Variants in CREBBP observed in about 807,000 individuals in gnomAD.
CREBBP encodes CREB binding lysine acetyltransferase, also known as CREB-binding protein.
CREBBP carries 19 observed loss-of-function variants against 265.0 expected under a neutral mutation model. The ratio of observed to expected loss-of-function variants is 0.07; its 90% CI spans 0.05 to 0.11. CREBBP has a LOEUF of 0.11. CREBBP is among the 10% of genes least tolerant of loss of function. CREBBP has a pLI of 1.00. For missense variants in CREBBP, 2,525 were observed against 3,219.0 expected (o/e 0.78, Z 5.22); for synonymous variants, 1,457 against 1,223.7 (o/e 1.19, Z -3.98).
At chr16:3,864,839 G>T (rs1327076640) in intron 1 of CREBBP, among the ~76,000 whole-genome samples, 1 of 152,200 alleles carries the variant, frequency 6.6e-6, no homozygotes, top group African/African-American at 2.4e-5. Flanking sequence ...GGCCAAGGCA[G>T]GCAGGTCACC....
At chr16:3,814,135 G>T (rs2053988277) in intron 2 of CREBBP, among the ~76,000 whole-genome samples, 1 of 151,686 alleles carries the variant, frequency 6.6e-6, no homozygotes, top group Non-Finnish European at 1.5e-5. Flanking sequence ...CCTGGCCTGG[G>T]GCCCTTTTCT....
chr16:3,747,407 CTT>C (rs1404603604), intron 21 of CREBBP, among the ~76,000 whole-genome samples: 2 of 152,204 alleles, frequency 1.3e-5, no homozygotes, highest in Non-Finnish European at 2.9e-5. Context: ...TCTTTCATGC[CTT>C]TGTTTCTAGA....
In CREBBP at chr16:3,725,865, G is replaced by C. The variant is rs939009790; in HGVS notation, c.*1853C>G. 1.7e-5 allele frequency: 4 copies of C among 233,054 alleles called. No individual in the cohort carries two copies. Among genetic ancestry groups the C allele is most frequent in the East Asian group, 1.2e-4 (2 of 16,578 alleles). The allele number at this position is 233,054 out of a possible 1,614,324, so 14.4% of individuals were successfully genotyped here. ...CCCCACCTAGACCAGCCTTTGTTGG[G>C]GGACTAGGGATAAAGTGGGTTCTCT... is the stretch of plus-strand genomic sequence containing the variant. On this transcript the variant is annotated 3_prime_UTR_variant, in exon 31 of 31. Transcript: ENST00000262367.
intron 11 of CREBBP, among the ~76,000 whole-genome samples, chr16:3,777,365 G>GAAATAAAT (rs145673583): frequency 2.0e-5 from 3 of 151,572 alleles, no homozygotes; most frequent in South Asian, 4.1e-4. Flanking sequence ...AAATAAAATA[G>GAAATAAAT]AAATAAATAA....
rs924350776 is a variant in CREBBP at position 3,745,266 on chromosome 16, A to T, written c.3914+11T>A. On this transcript the variant is annotated intron_variant, in intron 22 of 30. Coordinates refer to ENST00000262367, the MANE Select transcript of CREBBP (RefSeq NM_004380.3). ...GCAGAACTGCCCTCCAGGCCAGGGGAAACAACTCACCCTGAAGGCCAAATG... is the reference window on the plus strand; with the variant it reads ...GCAGAACTGCCCTCCAGGCCAGGGGTAACAACTCACCCTGAAGGCCAAATG... The T allele has an allele frequency of 6.2e-7, 1 of 1,612,476 alleles. No individual in the cohort carries two copies. Among genetic ancestry groups the T allele is most frequent in the Admixed American group, 1.7e-5 (1 of 59,870 alleles).
intron 3 of CREBBP, among the ~76,000 whole-genome samples, chr16:3,802,306 AT>A (rs1228346798): frequency 6.6e-6 from 1 of 151,230 alleles, no homozygotes; most frequent in African/African-American, 2.4e-5. Context: ...TAATTTTTGT[AT>A]TTTTAGTAGA....
At chr16:3,828,629 A>G (rs1345502383) in intron 2 of CREBBP, among the ~76,000 whole-genome samples, 1 of 152,254 alleles carries the variant, frequency 6.6e-6, no homozygotes, top group Admixed American at 6.5e-5. Context: ...ACCCACACAC[A>G]GAAAATAAGG....
chr16:3,776,247 G>C (rs896589116), intron 11 of CREBBP, among the ~76,000 whole-genome samples: 23 of 152,178 alleles, frequency 1.5e-4, no homozygotes, highest in African/African-American at 5.3e-4. Context: ...AAAAATCAAA[G>C]CCTGAGCAAA....
intron 2 of CREBBP, among the ~76,000 whole-genome samples, chr16:3,839,032 A>C (rs1034936208): frequency 6.6e-6 from 1 of 152,348 alleles, no homozygotes; most frequent in Non-Finnish European, 1.5e-5. Context: ...TACATACACC[A>C]TCTCATTTAA....
chr16:3,851,823 C>T (rs1235139837), intron 1 of CREBBP, among the ~76,000 whole-genome samples: 2 of 128,266 alleles, frequency 1.6e-5, no homozygotes, highest in East Asian at 2.3e-4. Flanking sequence ...CACTGCAGTC[C>T]GCAGTCCGAC....
intron 20 of CREBBP, 68 bp from the exon 21 acceptor site, chr16:3,749,751 C>A (rs2151368858): frequency 9.9e-7 from 1 of 1,014,836 alleles, no homozygotes; most frequent in Non-Finnish European, 1.5e-6. Context: ...ACTATAGGGT[C>A]TCTGGAATGT....
chr16:3,827,223 G>T (rs776903988), intron 2 of CREBBP, among the ~76,000 whole-genome samples: 30 of 151,694 alleles, frequency 2.0e-4, no homozygotes, highest in Non-Finnish European at 3.5e-4. Context: ...AAGGAAATGT[G>T]ATAAGTATCA....
At chr16:3,832,025 A>G (rs1396121704) in intron 2 of CREBBP, among the ~76,000 whole-genome samples, 4 of 152,030 alleles carry the variant, frequency 2.6e-5, no homozygotes, top group Non-Finnish European at 4.4e-5. Context: ...GAAAAAAAAG[A>G]AAAGAGTAGA....
At chr16:3,746,907 T>G (rs1431138569) in intron 21 of CREBBP, among the ~76,000 whole-genome samples, 1 of 152,134 alleles carries the variant, frequency 6.6e-6, no homozygotes, top group Non-Finnish European at 1.5e-5. Context: ...ACTGCACCAC[T>G]GCACTCCAGC....
intron 16 of CREBBP, among the ~76,000 whole-genome samples, chr16:3,761,308 G>C (rs1430234472): frequency 6.6e-6 from 1 of 152,140 alleles, no homozygotes; most frequent in East Asian, 1.9e-4. Context: ...TTAAAAATCA[G>C]ATTAAAATAT....
intron 11 of CREBBP, among the ~76,000 whole-genome samples, chr16:3,775,050 G>A (rs1168903824): frequency 6.6e-6 from 1 of 152,118 alleles, no homozygotes; most frequent in Non-Finnish European, 1.5e-5. Context: ...AGAGGGTGAG[G>A]AGGTGCCCTG....
chr16:3,854,816 C>G (rs1443840616), intron 1 of CREBBP, among the ~76,000 whole-genome samples: 1 of 152,202 alleles, frequency 6.6e-6, no homozygotes, highest in Admixed American at 6.5e-5. Flanking sequence ...TCTAGAAAAC[C>G]ACGTCTAACA....
chr16:3,747,345 C>T (rs933450439), intron 21 of CREBBP, among the ~76,000 whole-genome samples: 1 of 152,228 alleles, frequency 6.6e-6, no homozygotes, highest in South Asian at 2.1e-4. Flanking sequence ...TTAACCTCTG[C>T]CTACCAACCA....
rs57902688 is a variant in CREBBP, at chr16:3,823,957, A to AACACAC, written c.799-13184_799-13179dup. Reference sequence around the variant, plus strand: ...CACTGGAAGTTGAAAAGGCTGTGGCAACACACACACACACACACACACACA... The same window carrying AACACAC: ...CACTGGAAGTTGAAAAGGCTGTGGCAACACACACACACACACACACACACACACACA... On this transcript the variant is annotated intron_variant, in intron 2 of 30. Transcript: ENST00000262367. 1.6e-3 allele frequency among the ~76,000 whole-genome samples: 240 copies of AACACAC among 148,132 alleles called. 1 individual carries two copies. The highest frequency in any genetic ancestry group is 5.4e-3 in the East Asian group (27 of 4,986).
Sources: gnomAD v4.1 joint callset for allele counts (sites outside exome capture counted in the v4.1 genomes callset) on GRCh38, gnomAD v4.1.1 for gene constraint, MANE v1.5 for transcripts, NCBI Gene and HGNC (gene_info 2026-07-23, HGNC 2026-07-21) for gene names.